AIFM1: variants seen among roughly 807,000 people sequenced by gnomAD.
The protein encoded by AIFM1 is apoptosis inducing factor mitochondria associated 1.
A neutral mutation model predicts 51.7 loss-of-function variants in AIFM1; 3 were observed. The observed-to-expected ratio is 0.06, with a 90% CI of 0.03 to 0.15. The LOEUF (loss-of-function observed/expected upper bound fraction) is 0.15, where lower values mean the gene tolerates loss of function less well. AIFM1 is among the 10% of genes least tolerant of loss of function. The pLI, the probability that AIFM1 is intolerant of heterozygous loss-of-function variation, is 1.00. For synonymous variants in AIFM1, 178 were observed against 179.4 expected (o/e 0.99, Z 0.06); for missense variants, 330 against 476.8 (o/e 0.69, Z 2.87).
chrX:130,141,032 C>G (rs2030557905), intron 6 of AIFM1, among the ~76,000 whole-genome samples: 2 of 112,386 alleles, frequency 1.8e-5, no homozygotes, highest in Admixed American at 9.4e-5. Flanking sequence ...AGGAGAATCG[C>G]TTGAACCTGG....
chrX:130,147,640 C>G lies in AIFM1; in HGVS notation c.475-17G>C. ...AATCAGTACCTTCAGACATAAAAAT[C>G]ATGACGCTTATCAGAGCCAAGTCAT... On this transcript the variant is annotated splice_polypyrimidine_tract_variant and intron_variant, in intron 4 of 15. Coordinates refer to ENST00000287295, the MANE Select transcript of AIFM1 (RefSeq NM_004208.4). The G allele has an allele frequency of 3.3e-6, 4 of 1,211,934 alleles. No individual in the cohort carries two copies. Among genetic ancestry groups the G allele is most frequent in the Non-Finnish European group, 4.5e-6 (4 of 895,604 alleles).
intron 13 of AIFM1, 92 bp downstream of exon 13, chrX:130,133,221 G>A: frequency 9.0e-7 from 1 of 1,112,608 alleles, no homozygotes; most frequent in Non-Finnish European, 1.2e-6. Flanking sequence ...GAAGCTAACT[G>A]GCTCATAATA....
rs746018824 is a variant in AIFM1 at position 130,137,725 on chromosome X, T to C, written c.968-540A>G. 3.2e-4 allele frequency: 333 copies of C among 1,055,345 alleles called. 1 individual carries two copies. The African/African-American group carries it at 6.0e-3, about 19-fold the overall frequency. 87.0% of individuals were successfully genotyped at this position (1,055,345 alleles called of 1,213,427 possible). A position where few individuals can be genotyped will look rare whatever the true frequency, so the allele number is the denominator to read the frequency against. ...CTCACTTTCCTTAATATTTTATTTC[T>C]AAGGAGTCCTGGCATAGAGGGTAGA... On this transcript the variant is annotated intron_variant, in intron 9 of 15. Coordinates refer to ENST00000287295, the MANE Select transcript of AIFM1 (RefSeq NM_004208.4).
intron 2 of AIFM1, among the ~76,000 whole-genome samples, chrX:130,150,586 C>T (rs1299782267): frequency 9.5e-6 from 1 of 105,708 alleles, no homozygotes; most frequent in Non-Finnish European, 2.0e-5. Flanking sequence ...CTGCCCGCCT[C>T]GGCCTCCCAA....
chrX:130,144,022 A>T (rs2124660530), intron 6 of AIFM1, among the ~76,000 whole-genome samples: 1 of 112,147 alleles, frequency 8.9e-6, no homozygotes, highest in Non-Finnish European at 1.9e-5. Context: ...TATTTTTAAA[A>T]ATTTCAACTT....
At chrX:130,156,648 T>G (rs199865472) in intron 1 of AIFM1, 45 bp from the exon 2 acceptor site, 5 of 1,159,532 alleles carry the variant, frequency 4.3e-6, no homozygotes, top group African/African-American at 3.5e-5. Flanking sequence ...AAAAATAAAA[T>G]AGTTAATACA....
At chrX:130,135,154 C>T (rs1428948181) in intron 12 of AIFM1, among the ~76,000 whole-genome samples, 11 of 108,359 alleles carry the variant, frequency 1.0e-4, no homozygotes, top group Admixed American at 7.9e-4. Context: ...ATGATCTCCA[C>T]TCACTGCAGC....
chrX:130,150,625 G>GC (rs1489980003), intron 2 of AIFM1, among the ~76,000 whole-genome samples: 1 of 104,569 alleles, frequency 9.6e-6, no homozygotes, highest in Non-Finnish European at 2.0e-5. Context: ...GTGAGCCACC[G>GC]CGCCCGGCCT....
chrX:130,145,580 AAG>A lies in AIFM1; in HGVS notation c.606-13_606-12del. The A allele has an allele frequency of 8.8e-7, 1 of 1,136,684 alleles. No homozygotes were observed. Among genetic ancestry groups the A allele is most frequent in the Non-Finnish European group, 1.2e-6 (1 of 827,575 alleles). 93.7% of individuals were successfully genotyped at this position (1,136,684 alleles called of 1,213,427 possible). A position where few individuals can be genotyped will look rare whatever the true frequency, so the allele number is the denominator to read the frequency against. ...GGCTGGAAATATATGCTGTATGGAG[AAG>A]AGAGGGAGAATATTATAAGCATGTG... On this transcript the variant is annotated splice_polypyrimidine_tract_variant and intron_variant, in intron 5 of 15. Transcript: ENST00000287295.
At chrX:130,136,245 G>A (rs182851520) in intron 11 of AIFM1, 60 bp from the exon 12 acceptor site, 13 of 1,147,932 alleles carry the variant, frequency 1.1e-5, no homozygotes, top group South Asian at 3.6e-5. Context: ...GCCTACAGGC[G>A]TAACAATGGC....
chrX:130,145,575 T>C lies in AIFM1; in HGVS notation c.606-6A>G, dbSNP rs1447773594. 2.6e-6 allele frequency: 3 copies of C among 1,159,479 alleles called. No individual in the cohort carries two copies. In the Admixed American group the frequency reaches 6.5e-5, roughly 25 times the overall value. ...AAGGTGGCTGGAAATATATGCTGTA[T>C]GGAGAAGAGAGGGAGAATATTATAA... On this transcript the variant is annotated splice_polypyrimidine_tract_variant and splice_region_variant and intron_variant, in intron 5 of 15. Transcript: ENST00000287295.
intron 2 of AIFM1, among the ~76,000 whole-genome samples, chrX:130,153,158 C>A (rs1329681144): frequency 3.3e-5 from 3 of 92,043 alleles, no homozygotes; most frequent in African/African-American, 4.2e-5. Flanking sequence ...CACAGTGAAA[C>A]CCCGTCTCTA....
chrX:130,129,901 G>A lies in AIFM1; in HGVS notation c.1770+69C>T. 5 of 1,166,265 alleles carry A rather than the reference G, an allele frequency of 4.3e-6. No individual in the cohort carries two copies. The East Asian group carries it at 8.9e-5, about 21-fold the overall frequency. On this transcript the variant is annotated intron_variant, in intron 15 of 15. Coordinates refer to ENST00000287295, the MANE Select transcript of AIFM1 (RefSeq NM_004208.4). ...GGGGACAATGCATCTCAGGGCACCC[G>A]ATGAAGTTACAGGAATGTTTCTAAG...
chrX:130,138,534 TCA>T, intron 9 of AIFM1, 57 bp downstream of exon 9: 6 of 808,458 alleles, frequency 7.4e-6, no homozygotes, highest in Non-Finnish European at 1.1e-5. Context: ...TCTCTGGGAT[TCA>T]CAGAAAAGCT....
chrX:130,139,598 T>C (rs1311083274), intron 8 of AIFM1, among the ~76,000 whole-genome samples, 197 bp downstream of exon 8: 2 of 110,948 alleles, frequency 1.8e-5, no homozygotes, highest in African/African-American at 6.6e-5. Context: ...ATTTTTTCCC[T>C]AGGAGCTTAA....
intron 5 of AIFM1, among the ~76,000 whole-genome samples, chrX:130,146,328 T>C (rs1278321849): frequency 1.8e-5 from 2 of 109,028 alleles, no homozygotes; most frequent in African/African-American, 6.7e-5. Context: ...CCTGTAGTCC[T>C]AGCTACTCGG....
chrX:130,158,099 C>T (rs2031229641), intron 1 of AIFM1, among the ~76,000 whole-genome samples: 1 of 108,513 alleles, frequency 9.2e-6, no homozygotes, highest in African/African-American at 3.4e-5. Context: ...CCTGTTTCTA[C>T]TAAAAATACA....
In AIFM1 at chrX:130,165,717, C is replaced by A; in HGVS notation, c.-61G>T. The A allele has an allele frequency of 1.0e-6, 1 of 982,812 alleles. No individual in the cohort carries two copies. Among genetic ancestry groups the A allele is most frequent in the South Asian group, 2.0e-5 (1 of 48,906 alleles). The allele number at this position is 982,812 out of a possible 1,213,427, so 81.0% of individuals were successfully genotyped here. A position where few individuals can be genotyped will look rare whatever the true frequency, so the allele number is the denominator to read the frequency against. On this transcript the variant is annotated 5_prime_UTR_variant, in exon 1 of 16. Coordinates refer to ENST00000287295, the MANE Select transcript of AIFM1 (RefSeq NM_004208.4). ...TTCCTCTCACGCACGACCGACGGGTCAAACACCGTGAGCCCCGGCCAGCTC... is the reference window on the plus strand; with the variant it reads ...TTCCTCTCACGCACGACCGACGGGTAAAACACCGTGAGCCCCGGCCAGCTC...
At position 130,131,715 on chromosome X, in the gene AIFM1, T is replaced by C. The variant is rs180740527; in HGVS notation, c.1533A>G (p.Ala511=). 12 of 1,210,621 alleles carry C rather than the reference T, an allele frequency of 9.9e-6. No homozygotes were observed. In the East Asian group the frequency reaches 3.5e-4, roughly 36 times the overall value. The change falls in exon 14 of 16, where the codon GCA becomes GCG. Residue 511 remains alanine (A), a synonymous_variant. Transcript: ENST00000287295. ...CAGATTTGGGGTTGTCTTGTGCAGT[T>C]GCTTTTGCAAAAACACCAACTGTGG... ...SLPTVGVFAK[A]TAQDNPKSAT...
Sources: gnomAD v4.1 joint callset for allele counts (sites outside exome capture counted in the v4.1 genomes callset) on GRCh38, gnomAD v4.1.1 for gene constraint, MANE v1.5 for transcripts, NCBI Gene and HGNC (gene_info 2026-07-23, HGNC 2026-07-21) for gene names.